Variants in KCNJ1 observed in about 807,000 individuals in gnomAD.
The protein encoded by KCNJ1 is potassium inwardly rectifying channel subfamily J member 1.
KCNJ1 carries 24 observed loss-of-function variants against 21.9 expected under a neutral mutation model. The ratio of observed to expected loss-of-function variants is 1.10; its 90% CI spans 0.79 to 1.54. The LOEUF (loss-of-function observed/expected upper bound fraction) is 1.54. Among genes scored for constraint, KCNJ1 ranks in the 40% most tolerant of loss-of-function variants. KCNJ1 has a pLI of 0.00. For synonymous variants in KCNJ1, 152 were observed against 160.9 expected, an observed-to-expected ratio of 0.94 and a Z score of 0.42; for missense variants, 457 against 455.4, an observed-to-expected ratio of 1.00 and a Z score of -0.03.
chr11:128,854,797 G>A (rs1183064914), intron 1 of KCNJ1, among the ~76,000 whole-genome samples: 2 of 152,232 alleles, frequency 1.3e-5, no homozygotes, highest in African/African-American at 2.4e-5. Context: ...GTAATGATCT[G>A]TTTGATGACA....
intron 2 of KCNJ1, 109 bp downstream of exon 2, chr11:128,850,612 C>T (rs190195093): frequency 2.9e-6 from 1 of 345,506 alleles, no homozygotes; most frequent in African/African-American, 2.2e-5. Flanking sequence ...GGGCAAATGA[C>T]TAGGTCCCAC....
At chr11:128,846,640 A>G (rs1321541629) in intron 2 of KCNJ1, among the ~76,000 whole-genome samples, 3 of 152,186 alleles carry the variant, frequency 2.0e-5, no homozygotes, top group Non-Finnish European at 4.4e-5. Context: ...AGGGCAAAAG[A>G]CTTGTCTTGG....
intron 2 of KCNJ1, among the ~76,000 whole-genome samples, chr11:128,845,145 C>T (rs1943356458): frequency 6.6e-6 from 1 of 152,232 alleles, no homozygotes; most frequent in South Asian, 2.1e-4. Flanking sequence ...GGGGCAGAGC[C>T]CCTTCCTTCT....
chr11:128,856,094 C>CA (rs149583891), intron 1 of KCNJ1, among the ~76,000 whole-genome samples: 5,002 of 152,272 alleles, frequency 0.033, 265 homozygotes, highest in African/African-American at 0.11. Flanking sequence ...GAAAAGACAG[C>CA]AGGCTCTGAG....
chr11:128,865,344 G>A (rs114374041), intron 1 of KCNJ1, among the ~76,000 whole-genome samples: 6,541 of 152,082 alleles, frequency 0.043, 451 homozygotes, highest in African/African-American at 0.15. Context: ...CATGCACATA[G>A]CCCCTAGCCC....
chr11:128,843,693 A>G (rs1042500628), intron 2 of KCNJ1, among the ~76,000 whole-genome samples: 1 of 152,234 alleles, frequency 6.6e-6, no homozygotes, highest in Admixed American at 6.5e-5. Context: ...GATCCCCATC[A>G]GCTGGGGATC....
At chr11:128,843,867 C>A (rs1378593170) in intron 2 of KCNJ1, among the ~76,000 whole-genome samples, 1 of 152,138 alleles carries the variant, frequency 6.6e-6, no homozygotes, top group Non-Finnish European at 1.5e-5. Context: ...TGGACTCAGT[C>A]CTTGTTATCA....
chr11:128,839,164 G>A lies in KCNJ1; in HGVS notation c.1080C>T (p.Ile360=). Reference sequence around the variant, plus strand: ...CATCTGTTTCATTGACTTCTGACAAGATGAAGTTGGGGTTGTCATAGCCTC... The same window carrying A: ...CATCTGTTTCATTGACTTCTGACAAAATGAAGTTGGGGTTGTCATAGCCTC... ...MKRGYDNPNF[I]LSEVNETDDT... Residue 360 remains isoleucine, a synonymous_variant, in exon 3 of 3, where the codon ATC becomes ATT. Transcript: ENST00000392666. The A allele has an allele frequency of 6.2e-7, 1 of 1,614,102 alleles. No individual in the cohort carries two copies. Among genetic ancestry groups the A allele is most frequent in the Non-Finnish European group, 8.5e-7 (1 of 1,180,028 alleles).
Position 128,839,567 on chromosome 11 carries a change from T to C in KCNJ1, c.677A>G (p.Asp226Gly), listed in dbSNP as rs1591404044. 2 of 1,614,154 alleles carry C rather than the reference T, an allele frequency of 1.2e-6. No homozygotes were observed. The highest frequency in any genetic ancestry group is 4.5e-5 in the East Asian group (2 of 44,884). Residue 226 changes from aspartate to glycine, a missense_variant, in exon 3 of 3, where the codon GAC becomes GGC. Transcript: ENST00000392666. Reference sequence around the variant, plus strand: ...AACTACAAAGTTGATATTGATCTGGTCCAAAATAATGGTCTCTCCTTCAGG... The same window carrying C: ...AACTACAAAGTTGATATTGATCTGGCCCAAAATAATGGTCTCTCCTTCAGG... ...VTPEGETIILDQININFVVDA... is the reference protein window; with the variant it reads ...VTPEGETIILGQININFVVDA...
intron 1 of KCNJ1, among the ~76,000 whole-genome samples, chr11:128,863,998 C>CTTTGACCTTAAGGTAACTTAAGG (rs761072071): frequency 2.0e-5 from 3 of 151,394 alleles, no homozygotes; most frequent in Admixed American, 6.6e-5. Flanking sequence ...AAGGAACAAC[C>CTTTGACCTTAAGGTAACTTAAGG]TTTGACCTTA....
chr11:128,839,687 C>A lies in KCNJ1; in HGVS notation c.557G>T (p.Gly186Val). 1 of 1,613,202 alleles carries A rather than the reference C, an allele frequency of 6.2e-7. No homozygotes were observed. Among genetic ancestry groups the A allele is most frequent in the Non-Finnish European group, 8.5e-7 (1 of 1,179,744 alleles). ...CACTCGGATTAGGAGGCAAAGCTTC[C>A]CTCCCCGTTTGCTGATCACTGCGTT... ...SKNAVISKRG[G>V]KLCLLIRVAN... The change falls in exon 3 of 3, where the codon GGG becomes GTG. Residue 186 changes from glycine to valine, a missense_variant. Transcript: ENST00000392666.
chr11:128,843,769 T>G (rs1335292141), intron 2 of KCNJ1, among the ~76,000 whole-genome samples: 2 of 152,260 alleles, frequency 1.3e-5, no homozygotes, highest in African/African-American at 4.8e-5. Context: ...TACATTAATT[T>G]ATTTATCAAT....
rs748471372 is a variant in KCNJ1, at chr11:128,838,112, T to G, written c.*1013A>C. On this transcript the variant is annotated 3_prime_UTR_variant, in exon 3 of 3. Coordinates refer to ENST00000392666, the MANE Select transcript of KCNJ1 (RefSeq NM_153766.3). ...GTACCAGTTTTTTTCCAGGACACAT[T>G]CGGAATGATGCAGGTGGGGATCTGA... The G allele has an allele frequency of 6.6e-6, 1 of 152,628 alleles. No individual in the cohort carries two copies. Among genetic ancestry groups the G allele is most frequent in the Non-Finnish European group, 1.5e-5 (1 of 68,036 alleles). 9.5% of individuals were successfully genotyped at this position (152,628 alleles called of 1,614,324 possible). A position where few individuals can be genotyped will look rare whatever the true frequency, so the allele number is the denominator to read the frequency against.
chr11:128,859,545 G>A (rs1943659726), intron 1 of KCNJ1, among the ~76,000 whole-genome samples: 2 of 152,162 alleles, frequency 1.3e-5, no homozygotes, highest in Non-Finnish European at 1.5e-5. Flanking sequence ...CACCGCTCCC[G>A]GACAGAACCC....
chr11:128,842,501 A>G lies in KCNJ1; in HGVS notation c.-21-2237T>C. On this transcript the variant is annotated intron_variant, in intron 2 of 2. Coordinates refer to ENST00000392666, the MANE Select transcript of KCNJ1 (RefSeq NM_153766.3). The stretch of plus-strand genomic sequence containing the variant: ...TTTTAGACTCAGCCTAATTTATTGT[A>G]GGCGACAGTCAGTGGACTGACGCTA... The G allele has an allele frequency of 1.9e-6, 3 of 1,609,046 alleles. No individual in the cohort carries two copies. In the South Asian group the frequency reaches 3.3e-5, roughly 18 times the overall value.
intron 2 of KCNJ1, chr11:128,842,275 C>A: frequency 8.4e-7 from 1 of 1,189,776 alleles, no homozygotes; most frequent in Non-Finnish European, 1.2e-6. Flanking sequence ...TGAAGAAGTA[C>A]CCCCTGATTG....
intron 1 of KCNJ1, among the ~76,000 whole-genome samples, chr11:128,851,312 G>T (rs1943474954): frequency 6.6e-6 from 1 of 152,108 alleles, no homozygotes. Flanking sequence ...AATTGTGTAT[G>T]GTGAATCATA....
intron 2 of KCNJ1, among the ~76,000 whole-genome samples, chr11:128,844,305 C>G (rs187703229): frequency 1.3e-5 from 2 of 152,308 alleles, no homozygotes; most frequent in East Asian, 1.9e-4. Context: ...CATAGAAAGC[C>G]TCAGTGAGAC....
In KCNJ1 at chr11:128,853,764, C is replaced by T. The variant is rs770654205; in HGVS notation, c.-191-2874G>A. Among the ~76,000 whole-genome samples, 3 of 152,252 alleles carry T rather than the reference C, an allele frequency of 2.0e-5. No homozygotes were observed. The South Asian group carries it at 6.2e-4, about 31-fold the overall frequency. On this transcript the variant is annotated intron_variant, in intron 1 of 2. Coordinates refer to ENST00000392666, the MANE Select transcript of KCNJ1 (RefSeq NM_153766.3). ...TCAACTCTCAACCCACTTCCCCATG[C>T]CTTTGGGCCCTTGTTGGAACCTCGG...
Sources: gnomAD v4.1 joint callset for allele counts (sites outside exome capture counted in the v4.1 genomes callset) on GRCh38, gnomAD v4.1.1 for gene constraint, MANE v1.5 for transcripts, NCBI Gene and HGNC (gene_info 2026-07-23, HGNC 2026-07-21) for gene names.